Variants in TMEM156 observed in about 807,000 individuals in gnomAD.
TMEM156 encodes the protein transmembrane protein 156.
A neutral mutation model predicts 30.5 loss-of-function variants in TMEM156; 28 were observed. That is an observed-to-expected ratio of 0.92 (90% CI 0.68 to 1.26). The LOEUF (loss-of-function observed/expected upper bound fraction) is 1.26. Among genes scored for constraint, TMEM156 ranks in the 50% most tolerant of loss-of-function variants. The pLI is 0.00. For missense variants in TMEM156, 351 were observed against 340.6 expected (o/e 1.03, Z -0.24); for synonymous variants, 137 against 119.9 (o/e 1.14, Z -0.93).
intron 5 of TMEM156, among the ~76,000 whole-genome samples, chr4:38,981,492 A>G (rs1711540131): frequency 6.6e-6 from 1 of 152,176 alleles, no homozygotes; most frequent in African/African-American, 2.4e-5. Flanking sequence ...CTCAGTTTCC[A>G]ATGAGAAACT....
chr4:38,981,131 T>C (rs12646907), intron 5 of TMEM156: 21,317 of 169,320 alleles, frequency 0.13, 1,530 homozygotes, highest in East Asian at 0.2. Context: ...AAATTAAATT[T>C]TCACGTTATC....
intron 1 of TMEM156, among the ~76,000 whole-genome samples, chr4:39,013,322 AAAG>A: frequency 6.7e-6 from 1 of 149,992 alleles, no homozygotes; most frequent in African/African-American, 2.5e-5. Context: ...AAAAAAAAAG[AAAG>A]AAAGAAAAAG....
intron 1 of TMEM156, among the ~76,000 whole-genome samples, chr4:39,016,899 G>C (rs1714524279): frequency 6.6e-6 from 1 of 152,094 alleles, no homozygotes; most frequent in South Asian, 2.1e-4. Flanking sequence ...CACATGGCTG[G>C]GGAGGCCTCA....
intron 5 of TMEM156, among the ~76,000 whole-genome samples, chr4:38,983,773 C>T (rs1350842041): frequency 3.3e-5 from 5 of 152,172 alleles, no homozygotes; most frequent in African/African-American, 1.2e-4. Context: ...CTTTGATATC[C>T]ATAGCCCTTC....
chr4:38,990,830 GTTTTTTTT>G (rs71304784), intron 3 of TMEM156, among the ~76,000 whole-genome samples: 4 of 81,230 alleles, frequency 4.9e-5, no homozygotes, highest in East Asian at 8.9e-4. Flanking sequence ...TTGTTTTCTG[GTTTTTTTT>G]TTTTTTTTTT....
intron 1 of TMEM156, among the ~76,000 whole-genome samples, chr4:39,015,318 C>G (rs958186982): frequency 6.6e-6 from 1 of 152,094 alleles, no homozygotes; most frequent in Non-Finnish European, 1.5e-5. Flanking sequence ...ATCAGCTGAT[C>G]TTAAAATGAA....
chr4:39,030,998 TA>T (rs1715474792), intron 1 of TMEM156, among the ~76,000 whole-genome samples: 1 of 152,250 alleles, frequency 6.6e-6, no homozygotes, highest in African/African-American at 2.4e-5. Context: ...TAGCATCATG[TA>T]AATGCAACAT....
chr4:38,992,713 T>TATATATATATAATATATATATA (rs1472596836), intron 3 of TMEM156, among the ~76,000 whole-genome samples: 104 of 46,508 alleles, frequency 2.2e-3, no homozygotes, highest in African/African-American at 7.0e-3. Flanking sequence ...ATATATATAT[T>TATATATATATAATATATATATA]ATATATATAT....
At chr4:39,020,789 C>T (rs1340314313) in intron 1 of TMEM156, among the ~76,000 whole-genome samples, 1 of 152,086 alleles carries the variant, frequency 6.6e-6, no homozygotes, top group Non-Finnish European at 1.5e-5. Context: ...ACCTCATGAT[C>T]TGCCCACCTC....
rs760422091 is a variant in TMEM156, at chr4:38,993,784, C to T, written c.573G>A (p.Pro191=). ...GCAAAGAAATGTGTATACAATCATT[C>T]GGGTATTCCATGATTCTACAAGTGT... is the stretch of plus-strand genomic sequence containing the variant. ...INYTCRIMEY[P]NDCIHISLHL... The change falls in exon 3 of 7, where the codon CCG becomes CCA. Residue 191 remains proline (P), a synonymous_variant. Coordinates refer to ENST00000381938, the MANE Select transcript of TMEM156 (RefSeq NM_024943.3). The T allele has an allele frequency of 6.2e-6, 10 of 1,612,922 alleles. No individual in the cohort carries two copies. Among genetic ancestry groups the T allele is most frequent in the African/African-American group, 2.7e-5 (2 of 74,850 alleles).
At chr4:38,992,665 CAT>C (rs143144360) in intron 3 of TMEM156, among the ~76,000 whole-genome samples, 15,858 of 97,484 alleles carry the variant, frequency 0.16, 1,116 homozygotes, top group East Asian at 0.21. Context: ...CAATGTGCTA[CAT>C]ATATATATAA....
At chr4:39,027,551 CTTTTTT>C (rs71192813) in intron 1 of TMEM156, among the ~76,000 whole-genome samples, 356 of 79,080 alleles carry the variant, frequency 4.5e-3, no homozygotes, top group Admixed American at 6.3e-3. Context: ...TATACTATTC[CTTTTTT>C]TTTTTTTTTT....
intron 1 of TMEM156, among the ~76,000 whole-genome samples, chr4:39,001,214 CA>C (rs34945666): frequency 0.22 from 25,807 of 114,996 alleles, 2,832 homozygotes; most frequent in East Asian, 0.38. Context: ...ACTAAAAATA[CA>C]AAAAAAAAAA....
At chr4:39,032,144 A>G (rs1313542873) in intron 1 of TMEM156, 82 bp downstream of exon 1, 5 of 852,604 alleles carry the variant, frequency 5.9e-6, no homozygotes, top group Non-Finnish European at 9.5e-6. Flanking sequence ...GTGTCCAAAA[A>G]GAGGATCTTT....
intron 1 of TMEM156, among the ~76,000 whole-genome samples, chr4:38,999,110 A>ATTTTTTT (rs34889728): frequency 1.0e-4 from 11 of 106,104 alleles, no homozygotes; most frequent in Non-Finnish European, 1.9e-4. Flanking sequence ...TTATTTATTT[A>ATTTTTTT]TTTTTTTTTT....
chr4:39,011,554 TC>T (rs1174960197), intron 1 of TMEM156, among the ~76,000 whole-genome samples: 1 of 152,116 alleles, frequency 6.6e-6, no homozygotes, highest in Non-Finnish European at 1.5e-5. Context: ...GGCAGGTGAA[TC>T]ACGAGGTCAG....
chr4:38,994,059 A>G lies in TMEM156; in HGVS notation c.359-61T>C, dbSNP rs1712749383. 5 of 1,396,086 alleles carry G rather than the reference A, an allele frequency of 3.6e-6. No individual in the cohort carries two copies. In the South Asian group the frequency reaches 5.1e-5, roughly 14 times the overall value. The allele number at this position is 1,396,086 out of a possible 1,614,324, so 86.5% of individuals were successfully genotyped here. ...ATTAATACATAGCAAGAAAACACAT[A>G]CAATTCAAAACTAAATCTCTTCCTT... On this transcript the variant is annotated intron_variant, in intron 2 of 6. Transcript: ENST00000381938.
At chr4:39,024,684 G>A (rs113678129) in intron 1 of TMEM156, among the ~76,000 whole-genome samples, 6 of 152,230 alleles carry the variant, frequency 3.9e-5, no homozygotes, top group African/African-American at 7.2e-5. Context: ...GAGGGTGGAA[G>A]GAGAGAGAAG....
intron 3 of TMEM156, among the ~76,000 whole-genome samples, chr4:38,992,730 TATATAA>T: frequency 2.0e-5 from 1 of 50,486 alleles, no homozygotes; most frequent in African/African-American, 6.4e-5. Context: ...ATATAATATA[TATATAA>T]TATATAATAT....
Sources: allele counts gnomAD v4.1 joint callset (sites outside exome capture counted in the v4.1 genomes callset), GRCh38; gene constraint gnomAD v4.1.1; transcripts MANE v1.5; gene names NCBI Gene and HGNC (gene_info 2026-07-23, HGNC 2026-07-21).